Variants in TDRD9 observed in about 807,000 individuals in gnomAD.
TDRD9 encodes ATP-dependent RNA helicase TDRD9.
Under a neutral mutation model 172.6 loss-of-function variants are expected in TDRD9, and 124 were observed. The ratio of observed to expected loss-of-function variants is 0.72; its 90% CI spans 0.62 to 0.83. TDRD9 has a LOEUF of 0.83. Ranked by LOEUF, TDRD9 falls within the 40% of genes least tolerant of loss-of-function variation. The pLI is 0.00. For missense variants in TDRD9, 1,479 were observed against 1,714.1 expected, an observed-to-expected ratio of 0.86 and a Z score of 2.42; for synonymous variants, 619 against 617.1, an observed-to-expected ratio of 1.00 and a Z score of -0.05.
At chr14:103,938,631 G>T (rs2030970675) in intron 1 of TDRD9, among the ~76,000 whole-genome samples, 1 of 151,250 alleles carries the variant, frequency 6.6e-6, no homozygotes, top group Non-Finnish European at 1.5e-5. Flanking sequence ...TAGAGATGGG[G>T]TTTCTCTATG....
Position 104,014,775 on chromosome 14 carries a change from G to T in TDRD9, c.2157G>T (p.Met719Ile). 2 of 1,612,432 alleles carry T rather than the reference G, an allele frequency of 1.2e-6. No homozygotes were observed. Among genetic ancestry groups the T allele is most frequent in the Non-Finnish European group, 1.7e-6 (2 of 1,179,282 alleles). Residue 719 changes from methionine to isoleucine, a missense_variant, in exon 21 of 36, where the codon ATG becomes ATT. Transcript: ENST00000409874. ...AGACTAGAATCTCACAGTTCAACAT[G>T]CATGTTGATTCTCGGCGACCTGTCA... is the stretch of plus-strand genomic sequence containing the variant. The part of the protein sequence containing the change: ...ELKTRISQFN[M>I]HVDSRRPVMD...
In TDRD9 at chr14:103,991,128, A is replaced by G. The variant is rs528177921; in HGVS notation, c.1116-32A>G. On this transcript the variant is annotated intron_variant, in intron 8 of 35. Transcript: ENST00000409874. ...GAAGCAATAGCTGTTATTAGCCTTC[A>G]TTAATATTTGTGCACATCACATTTT... The G allele has an allele frequency of 7.6e-5, 122 of 1,613,580 alleles. 2 individuals carry two copies. The South Asian group carries it at 1.2e-3, about 15-fold the overall frequency.
chr14:103,961,141 T>C (rs956070655), intron 2 of TDRD9, among the ~76,000 whole-genome samples: 1 of 152,164 alleles, frequency 6.6e-6, no homozygotes, highest in Non-Finnish European at 1.5e-5. Context: ...CAAGAAGGCC[T>C]AGGTATATTA....
chr14:104,015,198 C>T (rs968267565), intron 21 of TDRD9, among the ~76,000 whole-genome samples: 1 of 152,048 alleles, frequency 6.6e-6, no homozygotes, highest in Non-Finnish European at 1.5e-5. Context: ...CTCTTTATAT[C>T]GTTCAGTGTA....
rs1423009791 is a variant in TDRD9, at chr14:103,997,344, A to G, written c.1379-1280A>G. On this transcript the variant is annotated intron_variant, in intron 12 of 35. Transcript: ENST00000409874. This position sits in a 1 kb window ranked among gnomAD's most constrained non-coding sequence, Gnocchi z 5.1. Reference sequence around the variant, plus strand: ...GATTCTGAAGGCAGAGCTGGGGAGGATGTGCTGAGGTCTCTGATGGAGAAA... The same window carrying G: ...GATTCTGAAGGCAGAGCTGGGGAGGGTGTGCTGAGGTCTCTGATGGAGAAA... Among the ~76,000 whole-genome samples the G allele has an allele frequency of 6.6e-6, 1 of 151,954 alleles. No homozygotes were observed. Among genetic ancestry groups the G allele is most frequent in the Non-Finnish European group, 1.5e-5 (1 of 68,000 alleles).
intron 13 of TDRD9, among the ~76,000 whole-genome samples, chr14:104,000,731 G>C (rs571335594): frequency 3.3e-5 from 5 of 152,216 alleles, no homozygotes; most frequent in African/African-American, 1.2e-4. Flanking sequence ...GTTGCAGTGA[G>C]CCTAGATCAC....
intron 19 of TDRD9, 60 bp from the exon 20 acceptor site, chr14:104,008,353 C>A: frequency 1.0e-6 from 1 of 998,140 alleles, no homozygotes. Context: ...ATTAAAGTAG[C>A]TAAATTCAGC....
chr14:103,966,278 C>G (rs2032743291), intron 4 of TDRD9, among the ~76,000 whole-genome samples: 1 of 152,194 alleles, frequency 6.6e-6, no homozygotes, highest in African/African-American at 2.4e-5. Flanking sequence ...TTGCAGTGAG[C>G]TGAGATCATG....
intron 5 of TDRD9, among the ~76,000 whole-genome samples, chr14:103,968,149 CT>C (rs1188783328): frequency 2.0e-5 from 3 of 152,188 alleles, no homozygotes; most frequent in African/African-American, 4.8e-5. Context: ...TGACTATATC[CT>C]TTTCTCAAGC....
intron 1 of TDRD9, chr14:103,941,678 C>T (rs1056259887): frequency 5.0e-5 from 76 of 1,518,760 alleles, no homozygotes; most frequent in East Asian, 1.7e-4. Context: ...GCCATTTCAT[C>T]CAGCCAAAAA....
Position 104,026,667 on chromosome 14 carries a change from C to T in TDRD9, c.3022-12C>T, listed in dbSNP as rs2035128673. Reference sequence around the variant, plus strand: ...ATAAAGCTGTTTGAGCTGTGCCCTTCTGTCCTTGTAGGCTTTGGAATTTAA... The same window carrying T: ...ATAAAGCTGTTTGAGCTGTGCCCTTTTGTCCTTGTAGGCTTTGGAATTTAA... On this transcript the variant is annotated splice_polypyrimidine_tract_variant and intron_variant, in intron 27 of 35. Coordinates refer to ENST00000409874, the MANE Select transcript of TDRD9 (RefSeq NM_153046.3). 1 of 1,613,216 alleles carries T rather than the reference C, an allele frequency of 6.2e-7. No homozygotes were observed. Among genetic ancestry groups the T allele is most frequent in the Non-Finnish European group, 8.5e-7 (1 of 1,179,278 alleles).
At chr14:104,018,313 A>G (rs774528381) in intron 23 of TDRD9, 121 bp downstream of exon 23, 32 of 597,932 alleles carry the variant, frequency 5.4e-5, no homozygotes, top group Non-Finnish European at 7.3e-5. Flanking sequence ...GGCTGCTGCA[A>G]TTGGCTTTCA....
chr14:103,969,176 T>G (rs185807890), intron 5 of TDRD9, among the ~76,000 whole-genome samples: 49 of 151,588 alleles, frequency 3.2e-4, no homozygotes, highest in African/African-American at 1.1e-3. Flanking sequence ...AACTTTTTTT[T>G]TTTTTTTGAG....
intron 6 of TDRD9, among the ~76,000 whole-genome samples, chr14:103,974,332 G>A (rs1374847640): frequency 1.3e-5 from 2 of 152,210 alleles, no homozygotes; most frequent in East Asian, 1.9e-4. Context: ...AGACTGCTGA[G>A]CTGGGAGACC....
Position 104,026,892 on chromosome 14 carries a change from A to G in TDRD9, c.3235A>G (p.Ile1079Val). The G allele has an allele frequency of 6.2e-7, 1 of 1,614,018 alleles. No individual in the cohort carries two copies. Among genetic ancestry groups the G allele is most frequent in the East Asian group, 2.2e-5 (1 of 44,876 alleles). ...QDAINIRDVL[I>V]QQGYAELTEE... The stretch of plus-strand genomic sequence containing the variant: ...TGCCATCAACATAAGAGACGTCCTC[A>G]TCCAGCAGGGCTATGCCGAGCTCAC... Residue 1079 changes from isoleucine to valine, a missense_variant, in exon 28 of 36, where the codon ATC becomes GTC. Transcript: ENST00000409874.
Position 104,000,419 on chromosome 14 carries a change from A to G in TDRD9, c.1483+1691A>G, listed in dbSNP as rs769006875. Among the ~76,000 whole-genome samples, 7 of 152,174 alleles carry G rather than the reference A, an allele frequency of 4.6e-5. No homozygotes were observed. In the South Asian group the frequency reaches 1.5e-3, roughly 32 times the overall value. On this transcript the variant is annotated intron_variant, in intron 13 of 35. Coordinates refer to ENST00000409874, the MANE Select transcript of TDRD9 (RefSeq NM_153046.3). ...TTATAAAGTGAAGAGAAAAAAGGAT[A>G]TTAAACTGTAAACACCTCACTATGT...
In TDRD9 at chr14:103,997,446, T is replaced by G. The variant is rs1228006699; in HGVS notation, c.1379-1178T>G. Reference sequence around the variant, plus strand: ...GAGGATGGAGGCTCCTGCGAGATGGTGAAGGCTGTGGAAGGAGCAGGGTGG... The same window carrying G: ...GAGGATGGAGGCTCCTGCGAGATGGGGAAGGCTGTGGAAGGAGCAGGGTGG... On this transcript the variant is annotated intron_variant, in intron 12 of 35. Transcript: ENST00000409874. This position sits in a 1 kb window ranked among gnomAD's most constrained non-coding sequence, Gnocchi z 5.1. Among the ~76,000 whole-genome samples the G allele has an allele frequency of 6.6e-6, 1 of 151,972 alleles. No homozygotes were observed. The highest frequency in any genetic ancestry group is 1.5e-5 in the Non-Finnish European group (1 of 67,988).
intron 30 of TDRD9, 89 bp from the exon 31 acceptor site, chr14:104,033,870 AT>A: frequency 2.6e-6 from 2 of 768,034 alleles, no homozygotes; most frequent in Non-Finnish European, 4.5e-6. Context: ...GCCCGTTTGT[AT>A]TTTTGAAATG....
chr14:104,023,560 G>T (rs2035028701), intron 24 of TDRD9, among the ~76,000 whole-genome samples: 1 of 152,258 alleles, frequency 6.6e-6, no homozygotes, highest in Non-Finnish European at 1.5e-5. Context: ...GCTGCATGCA[G>T]CTGTCATAAC....
Sources: allele counts gnomAD v4.1 joint callset (sites outside exome capture counted in the v4.1 genomes callset), GRCh38; gene constraint gnomAD v4.1.1; non-coding constraint Gnocchi (gnomAD v3.1); transcripts MANE v1.5; gene names NCBI Gene and HGNC (gene_info 2026-07-23, HGNC 2026-07-21).